Variants in ALKBH5 observed in about 807,000 individuals in gnomAD.
The protein encoded by ALKBH5 is RNA demethylase ALKBH5.
In ALKBH5, 2 loss-of-function variants were observed where a neutral mutation model predicts 32.1. The ratio of observed to expected loss-of-function variants is 0.06; its 90% CI spans 0.03 to 0.20. The LOEUF (loss-of-function observed/expected upper bound fraction) is 0.20. Among genes scored for constraint, ALKBH5 ranks in the 10% least tolerant of loss-of-function variants. The probability of loss-of-function intolerance (pLI) is 1.00; values close to 1 mark genes in which losing one functional copy is unlikely to be tolerated. For synonymous variants in ALKBH5, 300 were observed against 231.7 expected (o/e 1.29, Z -2.68); for missense variants, 352 against 559.5 (o/e 0.63, Z 3.74).
At chr17:18,192,626 T>G (rs900293402) in intron 1 of ALKBH5, among the ~76,000 whole-genome samples, 4 of 152,208 alleles carry the variant, frequency 2.6e-5, no homozygotes, top group African/African-American at 4.8e-5. Flanking sequence ...AAGCTCACAT[T>G]TGAACCCAGG....
intron 2 of ALKBH5, among the ~76,000 whole-genome samples, chr17:18,201,178 G>A (rs2047234543): frequency 6.6e-6 from 1 of 152,216 alleles, no homozygotes; most frequent in Admixed American, 6.5e-5. Context: ...AGGGCTTGGT[G>A]TTGCTCCTTT....
At chr17:18,201,425 G>C (rs1369850676) in intron 2 of ALKBH5, among the ~76,000 whole-genome samples, 4 of 152,146 alleles carry the variant, frequency 2.6e-5, no homozygotes, top group African/African-American at 9.7e-5. Context: ...CTGTAAATTG[G>C]GCAGTTGTGG....
At chr17:18,202,949 C>T (rs1376706831) in intron 2 of ALKBH5, among the ~76,000 whole-genome samples, 1 of 151,838 alleles carries the variant, frequency 6.6e-6, no homozygotes, top group African/African-American at 2.4e-5. Context: ...TGGCGTGCAC[C>T]TGTAGTCCCA....
intron 2 of ALKBH5, among the ~76,000 whole-genome samples, chr17:18,197,375 C>T (rs915214896): frequency 6.6e-6 from 1 of 152,222 alleles, no homozygotes; most frequent in Non-Finnish European, 1.5e-5. Flanking sequence ...CTCTTCCAGC[C>T]TCTCCTCCAG....
At chr17:18,191,977 C>CT (rs1324060009) in intron 1 of ALKBH5, among the ~76,000 whole-genome samples, 1 of 149,838 alleles carries the variant, frequency 6.7e-6, no homozygotes, top group Non-Finnish European at 1.5e-5. Context: ...CCTTTGAGAC[C>CT]TTTGACAGCT....
chr17:18,206,337 C>G (rs1355702901), intron 2 of ALKBH5, among the ~76,000 whole-genome samples: 1 of 152,152 alleles, frequency 6.6e-6, no homozygotes, highest in Admixed American at 6.5e-5. Flanking sequence ...TCTCAGCATC[C>G]CTGTCTGCAC....
In ALKBH5 at chr17:18,184,330, GGCCGCCGCCGCT is replaced by G. The variant is rs1266135573; in HGVS notation, c.93_104del (p.Ala34_Ala37del). 2.9e-5 allele frequency: 44 copies of G among 1,511,874 alleles called. 2 individuals carry two copies. The Admixed American group carries it at 3.7e-4, about 13-fold the overall frequency. The allele number at this position is 1,511,874 out of a possible 1,614,324, so 93.7% of individuals were successfully genotyped here. A position where few individuals can be genotyped will look rare whatever the true frequency, so the allele number is the denominator to read the frequency against. ...ACAACTATAAGGCGGGCAGCCGGGAGGCCGCCGCCGCTGCCGCAGCCGCCGTAGCCGCCGCAG... is the reference window on the plus strand; with the variant it reads ...ACAACTATAAGGCGGGCAGCCGGGAGGCCGCAGCCGCCGTAGCCGCCGCAG... On this transcript the variant is annotated inframe_deletion, in exon 1 of 4. Coordinates refer to ENST00000399138, the MANE Select transcript of ALKBH5 (RefSeq NM_017758.4).
intron 2 of ALKBH5, among the ~76,000 whole-genome samples, chr17:18,204,376 G>A (rs765088716): frequency 5.9e-5 from 9 of 151,920 alleles, no homozygotes; most frequent in African/African-American, 9.7e-5. Context: ...GCTTGAACGC[G>A]GGAGGCGGAG....
rs2047116165 is a variant in ALKBH5, at chr17:18,183,909, C to G, written c.-335C>G. On this transcript the variant is annotated 5_prime_UTR_variant, in exon 1 of 4. Coordinates refer to ENST00000399138, the MANE Select transcript of ALKBH5 (RefSeq NM_017758.4). ...GTGCGGAGAGCTTTAAAGTGCGGGC[C>G]GGGCCGGGCGTCCGAGGGTCTGGTC... 1 of 509,416 alleles carries G rather than the reference C, an allele frequency of 2.0e-6. No individual in the cohort carries two copies. Among genetic ancestry groups the G allele is most frequent in the Non-Finnish European group, 3.7e-6 (1 of 270,806 alleles). 31.6% of individuals were successfully genotyped at this position (509,416 alleles called of 1,614,324 possible). A position where few individuals can be genotyped will look rare whatever the true frequency, so the allele number is the denominator to read the frequency against.
intron 1 of ALKBH5, among the ~76,000 whole-genome samples, chr17:18,186,748 T>A (rs946929541): frequency 6.6e-6 from 1 of 152,190 alleles, no homozygotes; most frequent in African/African-American, 2.4e-5. Flanking sequence ...GTCAACCCTT[T>A]CTGGATTCAG....
chr17:18,192,999 C>G (rs2047186196), intron 1 of ALKBH5, among the ~76,000 whole-genome samples: 1 of 151,816 alleles, frequency 6.6e-6, no homozygotes. Context: ...GCTGGAATTA[C>G]AGGCACCTGC....
At position 18,184,579 on chromosome 17, in the gene ALKBH5, C is replaced by G. The variant is rs529827313; in HGVS notation, c.336C>G (p.Ser112=). 1.2e-6 allele frequency: 2 copies of G among 1,613,354 alleles called. No individual in the cohort carries two copies. The highest frequency in any genetic ancestry group is 1.7e-6 in the Non-Finnish European group (2 of 1,180,024). The stretch of plus-strand genomic sequence containing the variant: ...AGGCCCGCATTGACGAGGTGGTGTC[C>G]CGCGCTGAGAAGGGCCTGTACAACG... ...KIEARIDEVV[S]RAEKGLYNEH... The change falls in exon 1 of 4, where the codon TCC becomes TCG. Residue 112 remains serine, a synonymous_variant. Coordinates refer to ENST00000399138, the MANE Select transcript of ALKBH5 (RefSeq NM_017758.4).
At position 18,208,323 on chromosome 17, in the gene ALKBH5, C is replaced by T. The variant is rs1555551378; in HGVS notation, c.1112C>T (p.Ser371Leu). ...SFSSENYWRK[S>L]YESSEDCSEA... ...AGCTCTGAGAACTACTGGCGCAAGT[C>T]ATACGAGTCCTCAGAGGACTGCTCT... Residue 371 changes from serine (S) to leucine (L), a missense_variant, in exon 4 of 4, where the codon TCA becomes TTA. Physicochemically the swap from Ser to Leu is moderately radical, Grantham distance 145. Coordinates refer to ENST00000399138, the MANE Select transcript of ALKBH5 (RefSeq NM_017758.4). 6.2e-7 allele frequency: 1 copy of T among 1,614,120 alleles called. No individual in the cohort carries two copies. Among genetic ancestry groups the T allele is most frequent in the Non-Finnish European group, 8.5e-7 (1 of 1,180,024 alleles).
Position 18,206,987 on chromosome 17 carries a change from C to T in ALKBH5, c.1007+17C>T, listed in dbSNP as rs376170370. On this transcript the variant is annotated intron_variant, in intron 3 of 3. Transcript: ENST00000399138. The stretch of plus-strand genomic sequence containing the variant: ...TGCCCACAGGTACTCAGTTTAGGAC[C>T]CTCAGCAAAGGCTGGCAAAGGCCTG... The T allele has an allele frequency of 1.4e-5, 23 of 1,610,208 alleles. No individual in the cohort carries two copies. In the African/African-American group the frequency reaches 2.8e-4, roughly 20 times the overall value.
chr17:18,190,604 C>T (rs1308827067), intron 1 of ALKBH5, among the ~76,000 whole-genome samples: 1 of 150,194 alleles, frequency 6.7e-6, no homozygotes, highest in African/African-American at 2.5e-5. Flanking sequence ...TGCACCTAAT[C>T]TTCTGAGGAG....
chr17:18,201,837 ATG>A, intron 2 of ALKBH5, among the ~76,000 whole-genome samples: 1 of 70,496 alleles, frequency 1.4e-5, no homozygotes, highest in East Asian at 2.4e-4. Flanking sequence ...AGATAGATAG[ATG>A]ATAGATAGAT....
chr17:18,201,742 C>CA (rs2047236932), intron 2 of ALKBH5, among the ~76,000 whole-genome samples: 5 of 108,652 alleles, frequency 4.6e-5, no homozygotes, highest in African/African-American at 1.6e-4. Flanking sequence ...GAGACTCCAT[C>CA]TTAGATAGAT....
chr17:18,195,266 G>A (rs190914882), intron 2 of ALKBH5, among the ~76,000 whole-genome samples: 5 of 152,270 alleles, frequency 3.3e-5, no homozygotes, highest in Admixed American at 1.3e-4. Context: ...AAGCATATAC[G>A]CCCAATATTT....
chr17:18,200,920 C>T (rs1311515319), intron 2 of ALKBH5, among the ~76,000 whole-genome samples: 1 of 152,154 alleles, frequency 6.6e-6, no homozygotes, highest in Non-Finnish European at 1.5e-5. Context: ...CGCTGGGGAG[C>T]CGTGGAGGCA....
Sources: allele counts gnomAD v4.1 joint callset (sites outside exome capture counted in the v4.1 genomes callset), GRCh38; gene constraint gnomAD v4.1.1; transcripts MANE v1.5; gene names NCBI Gene and HGNC (gene_info 2026-07-23, HGNC 2026-07-21).